MAPK14: variants seen among roughly 807,000 people sequenced by gnomAD.
MAPK14 encodes the protein CSAID-binding protein.
In MAPK14, 16 loss-of-function variants were observed where a neutral mutation model predicts 49.6. The ratio of observed to expected loss-of-function variants is 0.32; its 90% CI spans 0.22 to 0.49. The LOEUF (loss-of-function observed/expected upper bound fraction) is 0.49. Among genes scored for constraint, MAPK14 ranks in the 20% least tolerant of loss-of-function variants. The pLI is 0.99. For missense variants in MAPK14, 200 were observed against 441.2 expected (o/e 0.45, Z 4.90); for synonymous variants, 142 against 158.0 (o/e 0.90, Z 0.76).
At chr6:36,052,413 G>A (rs1763436424) in intron 1 of MAPK14, among the ~76,000 whole-genome samples, 1 of 152,182 alleles carries the variant, frequency 6.6e-6, no homozygotes, top group Non-Finnish European at 1.5e-5. Context: ...AGTTGTGACA[G>A]AGGTCTTACT....
chr6:36,092,004 GGGCACTTCAGAT>G (rs1765252872), intron 8 of MAPK14: 1 of 373,368 alleles, frequency 2.7e-6, no homozygotes, highest in Non-Finnish European at 5.3e-6. Context: ...ATTTCAGGAC[GGGCACTTCAGAT>G]GGCTTCACAT....
At chr6:36,056,735 C>G (rs1379509693) in intron 2 of MAPK14, among the ~76,000 whole-genome samples, 4 of 152,132 alleles carry the variant, frequency 2.6e-5, no homozygotes, top group African/African-American at 7.2e-5. Flanking sequence ...CACTGTAAAA[C>G]AATGTAAATA....
rs1562089462 is a variant in MAPK14, at chr6:36,028,165, AG to A, written c.10del (p.Glu4ArgfsTer10). On this transcript the variant is annotated frameshift_variant, in exon 1 of 12. Transcript: ENST00000229794. LOFTEE classifies it high-confidence loss of function. The surrounding 1 kb of genome is among the most constrained non-coding windows in gnomAD (Gnocchi z 5.1). ...GGCGGCTGCCGCTGGAAAATGTCTC[AG>A]GAGAGGCCCACGTTCTACCGGCAGG... MS[Q>X]ERPTFYRQEL... 6.2e-7 allele frequency: 1 copy of A among 1,612,326 alleles called. No homozygotes were observed. Among genetic ancestry groups the A allele is most frequent in the Non-Finnish European group, 8.5e-7 (1 of 1,178,712 alleles).
At chr6:36,116,628 C>T in the MAPK14 span, among the ~76,000 whole-genome samples, 1 of 152,040 alleles carries the variant, frequency 6.6e-6, no homozygotes. Flanking sequence ...AGTATGATAA[C>T]CAAAAATGGC....
At position 36,076,725 on chromosome 6, in the gene MAPK14, G is replaced by A. The variant is rs561968074; in HGVS notation, c.682+117G>A. 28 of 644,586 alleles carry A rather than the reference G, an allele frequency of 4.3e-5. No homozygotes were observed. In the South Asian group the frequency reaches 6.3e-4, roughly 15 times the overall value. The allele number at this position is 644,586 out of a possible 1,614,324, so 39.9% of individuals were successfully genotyped here. A position where few individuals can be genotyped will look rare whatever the true frequency, so the allele number is the denominator to read the frequency against. ...CTCAGTATTTTGCTTTTATAGTCTA[G>A]ATAATGCATTATGAGGTCTTTCTTC... On this transcript the variant is annotated intron_variant, in intron 8 of 11. Coordinates refer to ENST00000229794, the MANE Select transcript of MAPK14 (RefSeq NM_139012.3).
At chr6:36,101,587 G>A (rs530052367) in intron 9 of MAPK14, among the ~76,000 whole-genome samples, 44 of 152,086 alleles carry the variant, frequency 2.9e-4, no homozygotes, top group African/African-American at 1.0e-3. Context: ...CTGGGCTCAA[G>A]CTTCCTGGGC....
rs564906899 is a variant in MAPK14 at position 36,056,673 on chromosome 6, C to T, written c.247-2616C>T. Among the ~76,000 whole-genome samples the T allele has an allele frequency of 2.3e-4, 35 of 152,278 alleles. No individual in the cohort carries two copies. The South Asian group carries it at 7.2e-3, about 32-fold the overall frequency. On this transcript the variant is annotated intron_variant, in intron 2 of 11. Coordinates refer to ENST00000229794, the MANE Select transcript of MAPK14 (RefSeq NM_139012.3). ...ACTCTTGCATGTGTAAATCAGATCT[C>T]TAATGATTTAGTTTTATTTCCATAG...
chr6:36,068,736 G>A (rs1429182695), intron 3 of MAPK14, among the ~76,000 whole-genome samples: 1 of 152,050 alleles, frequency 6.6e-6, no homozygotes, highest in Non-Finnish European at 1.5e-5. Context: ...GGAAGAGGGC[G>A]GGGGCAGTGG....
In MAPK14 at chr6:36,103,638, A is replaced by G. The variant is rs559104004; in HGVS notation, c.841+989A>G. The stretch of plus-strand genomic sequence containing the variant: ...AGACGTGAGACACTGTGCCTGGCGG[A>G]CTATATTCTTTGAAGGGGAGGAGTG... On this transcript the variant is annotated intron_variant, in intron 10 of 11. Coordinates refer to ENST00000229794, the MANE Select transcript of MAPK14 (RefSeq NM_139012.3). Among the ~76,000 whole-genome samples, 154 of 152,222 alleles carry G rather than the reference A, an allele frequency of 1.0e-3. 1 individual carries two copies. Among genetic ancestry groups the G allele is most frequent in the Non-Finnish European group, 1.8e-3 (121 of 68,002 alleles).
intron 8 of MAPK14, among the ~76,000 whole-genome samples, chr6:36,091,298 G>T (rs1371731839): frequency 6.6e-6 from 1 of 151,658 alleles, no homozygotes; most frequent in African/African-American, 2.4e-5. Flanking sequence ...TTCTGTTAAA[G>T]ATGACTTCGT....
rs546248556 is a variant in MAPK14 at position 36,076,499 on chromosome 6, A to C, written c.611-38A>C. The C allele has an allele frequency of 1.9e-5, 27 of 1,419,188 alleles. No individual in the cohort carries two copies. The South Asian group carries it at 3.1e-4, about 16-fold the overall frequency. The allele number at this position is 1,419,188 out of a possible 1,614,324, so 87.9% of individuals were successfully genotyped here. A position where few individuals can be genotyped will look rare whatever the true frequency, so the allele number is the denominator to read the frequency against. ...TTTGTTGCCAAGAATTGTAACAGTG[A>C]CATTGCATATACTTTTACTTCTTTT... On this transcript the variant is annotated intron_variant, in intron 7 of 11. Coordinates refer to ENST00000229794, the MANE Select transcript of MAPK14 (RefSeq NM_139012.3).
chr6:36,062,332 C>G lies in MAPK14; in HGVS notation c.305+2985C>G, dbSNP rs150461540. Among the ~76,000 whole-genome samples, 5 of 152,268 alleles carry G rather than the reference C, an allele frequency of 3.3e-5. No homozygotes were observed. The East Asian group carries it at 7.7e-4, about 24-fold the overall frequency. ...ATGCATAAGAAACTAAACATCTTCACCTACACTTGCAGGGTTTGCAAATTT... is the reference window on the plus strand; with the variant it reads ...ATGCATAAGAAACTAAACATCTTCAGCTACACTTGCAGGGTTTGCAAATTT... On this transcript the variant is annotated intron_variant, in intron 3 of 11. Transcript: ENST00000229794.
At chr6:36,034,211 G>C (rs1346758810) in intron 1 of MAPK14, among the ~76,000 whole-genome samples, 1 of 152,174 alleles carries the variant, frequency 6.6e-6, no homozygotes, top group Non-Finnish European at 1.5e-5. Flanking sequence ...TAACCCATTA[G>C]AGTCATGTCT....
chr6:36,100,991 T>C lies in MAPK14; in HGVS notation c.763-1580T>C, dbSNP rs1765614277. 2.0e-5 allele frequency among the ~76,000 whole-genome samples: 3 copies of C among 152,244 alleles called. No homozygotes were observed. The South Asian group carries it at 6.2e-4, about 31-fold the overall frequency. On this transcript the variant is annotated intron_variant, in intron 9 of 11. Coordinates refer to ENST00000229794, the MANE Select transcript of MAPK14 (RefSeq NM_139012.3). ...TTCTCTGAATGAGATAGTTCTCTCT[T>C]ACCTGTTTTCCCTTCCTCTTTTTAT...
rs538726530 is a variant in MAPK14, at chr6:36,073,142, C to T, written c.417+158C>T. 131 of 631,716 alleles carry T rather than the reference C, an allele frequency of 2.1e-4. 3 individuals are homozygous for T. In the South Asian group the frequency reaches 2.2e-3, roughly 11 times the overall value. The allele number at this position is 631,716 out of a possible 1,614,324, so 39.1% of individuals were successfully genotyped here. A position where few individuals can be genotyped will look rare whatever the true frequency, so the allele number is the denominator to read the frequency against. ...ATAGTACAGTAAACTGCCATGTTCA[C>T]TCAGTGACAACAGTTACCGACATAT... On this transcript the variant is annotated intron_variant, in intron 4 of 11. Transcript: ENST00000229794.
chr6:36,081,941 TGTAAA>T (rs1444987619), intron 8 of MAPK14, among the ~76,000 whole-genome samples: 1 of 152,214 alleles, frequency 6.6e-6, no homozygotes, highest in East Asian at 1.9e-4. Flanking sequence ...AGTTTTCAGT[TGTAAA>T]GTATTTTACC....
intron 3 of MAPK14, among the ~76,000 whole-genome samples, chr6:36,071,886 G>T (rs1764289751): frequency 2.0e-5 from 3 of 151,836 alleles, no homozygotes; most frequent in African/African-American, 7.3e-5. Context: ...TTTATTTTTT[G>T]TAGAGATGGG....
chr6:36,037,399 G>A (rs114035152), intron 1 of MAPK14, among the ~76,000 whole-genome samples: 150 of 152,312 alleles, frequency 9.8e-4, no homozygotes, highest in African/African-American at 3.5e-3. Flanking sequence ...TGGCTCCAAG[G>A]CTGAATGTTG....
At chr6:36,115,093 A>G (rs1766037480), downstream of MAPK14, among the ~76,000 whole-genome samples, 1 of 152,368 alleles carries the variant, frequency 6.6e-6, no homozygotes, top group Non-Finnish European at 1.5e-5. Context: ...TATTGAAGCC[A>G]TAGGCTGTGG....
Sources: allele counts gnomAD v4.1 joint callset (sites outside exome capture counted in the v4.1 genomes callset), GRCh38; gene constraint gnomAD v4.1.1; non-coding constraint Gnocchi (gnomAD v3.1); transcripts MANE v1.5; gene names NCBI Gene and HGNC (gene_info 2026-07-23, HGNC 2026-07-21).